The following RAB7A variants were observed in gnomAD, a reference collection of about 807,000 sequenced individuals.
The protein encoded by RAB7A is RAB7A, member RAS oncogene family.
A neutral mutation model predicts 24.5 loss-of-function variants in RAB7A; 2 were observed. The ratio of observed to expected loss-of-function variants is 0.08; its 90% CI spans 0.03 to 0.26. The LOEUF is 0.26. Ranked by LOEUF, RAB7A falls within the 10% of genes least tolerant of loss-of-function variation. The pLI is 1.00. For synonymous variants in RAB7A, 100 were observed against 95.9 expected (o/e 1.04, Z -0.25); for missense variants, 118 against 255.7 (o/e 0.46, Z 3.67).
intron 1 of RAB7A, among the ~76,000 whole-genome samples, chr3:128,769,849 T>C (rs1240473817): frequency 6.6e-6 from 1 of 152,222 alleles, no homozygotes; most frequent in East Asian, 1.9e-4. Context: ...AATTGAAAGA[T>C]AACTGATTGG....
chr3:128,744,943 G>A (rs1044167117), intron 1 of RAB7A, among the ~76,000 whole-genome samples: 2 of 147,076 alleles, frequency 1.4e-5, no homozygotes, highest in Non-Finnish European at 3.0e-5. Flanking sequence ...GTGCGATCTC[G>A]GCTCACTGCA....
chr3:128,779,407 CAA>C (rs756122746), intron 1 of RAB7A, among the ~76,000 whole-genome samples: 16 of 121,206 alleles, frequency 1.3e-4, no homozygotes, highest in Non-Finnish European at 1.1e-4. Context: ...GACTGTGTCT[CAA>C]AAAAAAAAAA....
intron 5 of RAB7A, among the ~76,000 whole-genome samples, chr3:128,809,878 C>T (rs1002064287): frequency 6.8e-6 from 1 of 146,526 alleles, no homozygotes; most frequent in Non-Finnish European, 1.5e-5. Context: ...GCCATGTTCC[C>T]TTATCTGGAC....
At chr3:128,771,595 T>C (rs1222379565) in intron 1 of RAB7A, among the ~76,000 whole-genome samples, 3 of 152,202 alleles carry the variant, frequency 2.0e-5, no homozygotes, top group African/African-American at 7.2e-5. Context: ...ACAAGAAAAT[T>C]AAACCATCCA....
rs529173052 is a variant in RAB7A at position 128,797,997 on chromosome 3, G to A, written c.108G>A (p.Gln36=). ...ATGTGAATAAGAAATTCAGCAATCA[G>A]TACAAAGCCACAATAGGAGCTGACT... ...NQYVNKKFSN[Q]YKATIGADFL... Residue 36 remains glutamine (Q), a synonymous_variant, in exon 3 of 6, where the codon CAG becomes CAA. Coordinates refer to ENST00000265062, the MANE Select transcript of RAB7A (RefSeq NM_004637.6). The A allele has an allele frequency of 1.2e-6, 2 of 1,613,828 alleles. No individual in the cohort carries two copies. Among genetic ancestry groups the A allele is most frequent in the African/African-American group, 1.3e-5 (1 of 75,024 alleles).
chr3:128,786,826 CAG>C (rs575905404), intron 1 of RAB7A, among the ~76,000 whole-genome samples: 23 of 152,178 alleles, frequency 1.5e-4, no homozygotes, highest in Non-Finnish European at 3.1e-4. Flanking sequence ...ATTATGCTGA[CAG>C]AGTGTATATG....
chr3:128,738,091 G>A (rs541902818), intron 1 of RAB7A, among the ~76,000 whole-genome samples: 5 of 151,820 alleles, frequency 3.3e-5, no homozygotes, highest in Non-Finnish European at 4.4e-5. Flanking sequence ...GGAGTATAGT[G>A]GCCTGAACAC....
At chr3:128,785,569 G>GC (rs1933319594) in intron 1 of RAB7A, 1 of 151,996 alleles carries the variant, frequency 6.6e-6, no homozygotes, top group Non-Finnish European at 1.5e-5. Flanking sequence ...GACCAGCCTG[G>GC]CCAAAATGGT....
At chr3:128,786,374 G>A (rs374665504) in intron 1 of RAB7A, among the ~76,000 whole-genome samples, 2 of 152,112 alleles carry the variant, frequency 1.3e-5, no homozygotes, top group Admixed American at 6.6e-5. Flanking sequence ...GTAGTATTAT[G>A]TGACTTTCGA....
intron 1 of RAB7A, among the ~76,000 whole-genome samples, chr3:128,756,694 CA>C (rs1470585169): frequency 6.6e-6 from 1 of 151,994 alleles, no homozygotes; most frequent in East Asian, 1.9e-4. Flanking sequence ...CTCCAGTAGC[CA>C]AAATAATCTT....
In RAB7A at chr3:128,813,460, C is replaced by G; in HGVS notation, c.*38C>G. The G allele has an allele frequency of 6.4e-7, 1 of 1,568,710 alleles. No homozygotes were observed. The highest frequency in any genetic ancestry group is 8.8e-7 in the Non-Finnish European group (1 of 1,139,434). On this transcript the variant is annotated 3_prime_UTR_variant, in exon 6 of 6. Transcript: ENST00000265062. Reference sequence around the variant, plus strand: ...AGTTGAGCACAGAGTCCTTCACAAACCAAGAACACACGTAGGCCTTCAACA... The same window carrying G: ...AGTTGAGCACAGAGTCCTTCACAAAGCAAGAACACACGTAGGCCTTCAACA...
chr3:128,786,125 T>A (rs1489385419), intron 1 of RAB7A, among the ~76,000 whole-genome samples: 1 of 152,238 alleles, frequency 6.6e-6, no homozygotes, highest in Non-Finnish European at 1.5e-5. Context: ...TTTCTTCATC[T>A]GTTAAATGGG....
At chr3:128,809,936 C>CTGTTTTTTT (rs1933887025) in intron 5 of RAB7A, among the ~76,000 whole-genome samples, 1 of 52,216 alleles carries the variant, frequency 1.9e-5, no homozygotes, top group African/African-American at 8.5e-5. Context: ...TTGCCACAGT[C>CTGTTTTTTT]TTTTTTTTTT....
chr3:128,793,209 G>A (rs1365726309), intron 1 of RAB7A, among the ~76,000 whole-genome samples: 2 of 152,184 alleles, frequency 1.3e-5, no homozygotes, highest in Non-Finnish European at 2.9e-5. Flanking sequence ...ATTTAGTAGA[G>A]ACGGGGTTTC....
intron 1 of RAB7A, among the ~76,000 whole-genome samples, chr3:128,731,368 C>A (rs563642632): frequency 3.8e-4 from 58 of 152,312 alleles, no homozygotes; most frequent in Non-Finnish European, 6.9e-4. Flanking sequence ...ATGAGGATCC[C>A]TGAGATAACT....
At chr3:128,759,739 C>T (rs976228819) in intron 1 of RAB7A, among the ~76,000 whole-genome samples, 3 of 151,642 alleles carry the variant, frequency 2.0e-5, no homozygotes, top group African/African-American at 7.3e-5. Flanking sequence ...GACGGAGTTT[C>T]GCTCTTGTTA....
At chr3:128,765,666 TC>T (rs1014831698) in intron 1 of RAB7A, among the ~76,000 whole-genome samples, 18 of 152,096 alleles carry the variant, frequency 1.2e-4, no homozygotes, top group Admixed American at 8.5e-4. Flanking sequence ...GCGAGGTGGC[TC>T]GCTGCAGCCA....
intron 1 of RAB7A, among the ~76,000 whole-genome samples, chr3:128,776,393 C>T (rs1576290130): frequency 6.6e-6 from 1 of 152,124 alleles, no homozygotes; most frequent in East Asian, 1.9e-4. Flanking sequence ...CCTTAGGGCC[C>T]AGCTGCCTCA....
intron 1 of RAB7A, among the ~76,000 whole-genome samples, chr3:128,770,435 A>G (rs934471781): frequency 1.3e-5 from 2 of 152,182 alleles, no homozygotes; most frequent in Non-Finnish European, 2.9e-5. Flanking sequence ...TTTGTTTAAC[A>G]TATCTAGGAA....
Sources: allele counts gnomAD v4.1 joint callset (sites outside exome capture counted in the v4.1 genomes callset), GRCh38; gene constraint gnomAD v4.1.1; transcripts MANE v1.5; gene names NCBI Gene and HGNC (gene_info 2026-07-23, HGNC 2026-07-21).